Variants in XKR4 observed in about 807,000 individuals in gnomAD.
XKR4 encodes the protein XK related 4.
In XKR4, 12 loss-of-function variants were observed where a neutral mutation model predicts 53.9. The observed-to-expected ratio is 0.22, with a 90% CI of 0.14 to 0.36. The LOEUF is 0.36. Ranked by LOEUF, XKR4 falls within the 10% of genes least tolerant of loss-of-function variation. XKR4 has a pLI of 1.00. For synonymous variants in XKR4, 354 were observed against 362.4 expected (o/e 0.98, Z 0.26); for missense variants, 799 against 859.5 (o/e 0.93, Z 0.88).
chr8:55,263,833 A>T (rs1038704040), intron 1 of XKR4, among the ~76,000 whole-genome samples: 4 of 152,250 alleles, frequency 2.6e-5, no homozygotes, highest in African/African-American at 9.6e-5. Context: ...ACGTCTGAGT[A>T]CTGCAGTCAT....
At chr8:55,276,480 T>C (rs1257897673) in intron 1 of XKR4, among the ~76,000 whole-genome samples, 1 of 152,200 alleles carries the variant, frequency 6.6e-6, no homozygotes, top group Non-Finnish European at 1.5e-5. Flanking sequence ...AAATTAATAA[T>C]CACCCCTCCA....
intron 1 of XKR4, among the ~76,000 whole-genome samples, chr8:55,262,404 T>A (rs1206401189): frequency 6.6e-6 from 1 of 152,148 alleles, no homozygotes; most frequent in Admixed American, 6.5e-5. Flanking sequence ...CCTGAAAAAA[T>A]TCACATGTTG....
At chr8:55,234,237 T>G (rs1469982123) in intron 1 of XKR4, among the ~76,000 whole-genome samples, 2 of 152,168 alleles carry the variant, frequency 1.3e-5, no homozygotes, top group Admixed American at 1.3e-4. Context: ...CCCTATAGAT[T>G]TGGATATTCT....
At chr8:55,182,198 C>G (rs111693129) in intron 1 of XKR4, among the ~76,000 whole-genome samples, 6,965 of 152,058 alleles carry the variant, frequency 0.046, 196 homozygotes, top group South Asian at 0.11. Flanking sequence ...ATGTTACCTT[C>G]CAGCCTGTGG....
Position 55,523,818 on chromosome 8 carries a change from C to T in XKR4, c.1544C>T (p.Pro515Leu). 1.2e-6 allele frequency: 2 copies of T among 1,614,166 alleles called. No homozygotes were observed. The highest frequency in any genetic ancestry group is 1.7e-6 in the Non-Finnish European group (2 of 1,180,020). Residue 515 changes from proline to leucine, a missense_variant, in exon 3 of 3, where the codon CCC becomes CTC. Transcript: ENST00000327381. ...FMLMYYAFFH[P>L]NGPRFGQSPS... is the part of the protein sequence containing the mutation. Reference sequence around the variant, plus strand: ...CTGATGTATTATGCCTTCTTTCATCCCAATGGACCCAGATTCGGGCAGTCA... The same window carrying T: ...CTGATGTATTATGCCTTCTTTCATCTCAATGGACCCAGATTCGGGCAGTCA...
intron 1 of XKR4, among the ~76,000 whole-genome samples, chr8:55,215,613 A>G (rs1817787915): frequency 6.6e-6 from 1 of 152,224 alleles, no homozygotes; most frequent in South Asian, 2.1e-4. Flanking sequence ...AAAAATGTTA[A>G]AAAATCTGAT....
intron 2 of XKR4, chr8:55,451,406 A>G: frequency 1.1e-6 from 1 of 950,532 alleles, no homozygotes; most frequent in Non-Finnish European, 1.6e-6. Flanking sequence ...TTGCGTCCGG[A>G]CGCACTGGAG....
At chr8:55,200,798 A>G (rs1817569244) in intron 1 of XKR4, among the ~76,000 whole-genome samples, 1 of 152,260 alleles carries the variant, frequency 6.6e-6, no homozygotes, top group African/African-American at 2.4e-5. Flanking sequence ...AGCATATGCC[A>G]GCAGAAACAG....
At chr8:55,283,866 T>C (rs533530039) in intron 1 of XKR4, among the ~76,000 whole-genome samples, 84 of 152,308 alleles carry the variant, frequency 5.5e-4, no homozygotes, top group African/African-American at 2.0e-3. Flanking sequence ...TACTGGGACA[T>C]TACCAAGAAA....
chr8:55,516,726 G>C (rs1806719421), intron 2 of XKR4, among the ~76,000 whole-genome samples: 5 of 152,162 alleles, frequency 3.3e-5, no homozygotes, highest in Admixed American at 3.3e-4. Flanking sequence ...ATTTCTCAAA[G>C]AACTAAAATT....
intron 1 of XKR4, among the ~76,000 whole-genome samples, chr8:55,251,968 C>A (rs1026882876): frequency 2.0e-5 from 3 of 152,194 alleles, no homozygotes; most frequent in African/African-American, 7.2e-5. Flanking sequence ...TGTTTCACAG[C>A]ATATTATACT....
chr8:55,181,093 C>T (rs771642800), intron 1 of XKR4, among the ~76,000 whole-genome samples: 1 of 152,172 alleles, frequency 6.6e-6, no homozygotes, highest in Non-Finnish European at 1.5e-5. Context: ...CCTACTATGT[C>T]TCGAGAGTAA....
intron 1 of XKR4, among the ~76,000 whole-genome samples, chr8:55,333,494 G>A (rs1803408733): frequency 6.6e-6 from 1 of 152,120 alleles, no homozygotes; most frequent in African/African-American, 2.4e-5. Flanking sequence ...ATACATGGCT[G>A]CTTTTAAAAA....
intron 2 of XKR4, among the ~76,000 whole-genome samples, chr8:55,445,064 T>C (rs1452145781): frequency 6.6e-6 from 1 of 152,224 alleles, no homozygotes; most frequent in Non-Finnish European, 1.5e-5. Flanking sequence ...TTTTTGTTTT[T>C]GTTTTTGTTT....
chr8:55,321,979 C>T (rs1377352219), intron 1 of XKR4, among the ~76,000 whole-genome samples: 1 of 133,474 alleles, frequency 7.5e-6, no homozygotes, highest in African/African-American at 2.9e-5. Context: ...CAGAGCGAGA[C>T]TCCATCTCGA....
At chr8:55,108,841 T>C (rs191605982) in intron 1 of XKR4, among the ~76,000 whole-genome samples, 1 of 152,250 alleles carries the variant, frequency 6.6e-6, no homozygotes, top group African/African-American at 2.4e-5. Context: ...GATGTGGAAA[T>C]TGAGAGAGAG....
In XKR4 at chr8:55,523,811, T is replaced by C; in HGVS notation, c.1537T>C (p.Phe513Leu). The C allele has an allele frequency of 5.0e-6, 8 of 1,614,228 alleles. No individual in the cohort carries two copies. Among genetic ancestry groups the C allele is most frequent in the Non-Finnish European group, 6.8e-6 (8 of 1,180,036 alleles). ...VVFMLMYYAF[F>L]HPNGPRFGQS... Reference sequence around the variant, plus strand: ...TTTTATGCTGATGTATTATGCCTTCTTTCATCCCAATGGACCCAGATTCGG... The same window carrying C: ...TTTTATGCTGATGTATTATGCCTTCCTTCATCCCAATGGACCCAGATTCGG... The change falls in exon 3 of 3, where the codon TTT (phenylalanine) becomes CTT (leucine). Residue 513 changes from phenylalanine (F) to leucine (L), a missense_variant. Phe to Leu is a conservative substitution (Grantham distance 22). Transcript: ENST00000327381.
intron 1 of XKR4, among the ~76,000 whole-genome samples, chr8:55,197,117 A>C (rs1817516283): frequency 6.6e-6 from 1 of 152,182 alleles, no homozygotes; most frequent in Non-Finnish European, 1.5e-5. Context: ...GATGGTTTAC[A>C]CTGCAGTTTG....
At position 55,450,173 on chromosome 8, in the gene XKR4, C is replaced by T. The variant is rs555218086; in HGVS notation, c.1007-73108C>T. 3.7e-4 allele frequency: 250 copies of T among 670,148 alleles called. No individual in the cohort carries two copies. In the African/African-American group the frequency reaches 4.0e-3, roughly 11 times the overall value. 41.5% of individuals were successfully genotyped at this position (670,148 alleles called of 1,614,324 possible). ...AGGCGTGAGATGGCGTCAGGCTGGG[C>T]TCGGGGGCAGCTGTGGTAGCAGGGC... On this transcript the variant is annotated intron_variant, in intron 2 of 2. Transcript: ENST00000327381.
Sources: gnomAD v4.1 joint callset for allele counts (sites outside exome capture counted in the v4.1 genomes callset) on GRCh38, gnomAD v4.1.1 for gene constraint, MANE v1.5 for transcripts, NCBI Gene and HGNC (gene_info 2026-07-23, HGNC 2026-07-21) for gene names.